The following ANAPC2 variants were observed in gnomAD, a reference collection of about 807,000 sequenced individuals.
The protein encoded by ANAPC2 is anaphase promoting complex subunit 2.
A neutral mutation model predicts 84.3 loss-of-function variants in ANAPC2; 29 were observed. The observed-to-expected ratio is 0.34, with a 90% CI of 0.26 to 0.47. ANAPC2 has a LOEUF of 0.47. Ranked by LOEUF, ANAPC2 falls within the 20% of genes least tolerant of loss-of-function variation. ANAPC2 has a pLI of 1.00. For synonymous variants in ANAPC2, 571 were observed against 479.4 expected, an observed-to-expected ratio of 1.19 and a Z score of -2.50; for missense variants, 857 against 1,131.7, an observed-to-expected ratio of 0.76 and a Z score of 3.48.
At chr9:137,175,903 A>G in intron 10 of ANAPC2, 66 bp from the exon 11 acceptor site, 15 of 1,508,464 alleles carry the variant, frequency 9.9e-6, no homozygotes, top group Non-Finnish European at 1.3e-5. Context: ...GGGCTCTGCC[A>G]CCTGGTACCA....
At chr9:137,175,993 G>T in intron 10 of ANAPC2, 156 bp from the exon 11 acceptor site, 1 of 948,208 alleles carries the variant, frequency 1.1e-6, no homozygotes, top group South Asian at 1.7e-5. Context: ...GGACTGGGTG[G>T]GGTCCCCACC....
intron 4 of ANAPC2, 144 bp downstream of exon 4, chr9:137,184,769 G>T (rs1291204205): frequency 1.0e-5 from 11 of 1,082,124 alleles, no homozygotes; most frequent in Non-Finnish European, 1.4e-5. Flanking sequence ...ACACGGCAAA[G>T]GCCCTGGGAG....
intron 7 of ANAPC2, 50 bp from the exon 8 acceptor site, chr9:137,180,979 C>G: frequency 6.3e-7 from 1 of 1,595,866 alleles, no homozygotes; most frequent in Admixed American, 1.7e-5. Context: ...TGGGCAAGGA[C>G]AGGGCCGCCC....
intron 2 of ANAPC2, 200 bp from the exon 3 acceptor site, chr9:137,186,556 A>G (rs925332330): frequency 4.2e-6 from 3 of 716,498 alleles, no homozygotes; most frequent in Non-Finnish European, 6.7e-6. Flanking sequence ...GGGAGCACAG[A>G]GCACTCCCAG....
At chr9:137,187,183 C>A in intron 2 of ANAPC2, 2 of 405,190 alleles carry the variant, frequency 4.9e-6, no homozygotes, top group African/African-American at 2.0e-5. Flanking sequence ...ACAAAAGGCA[C>A]AGTGGAATTC....
At chr9:137,187,184 A>G (rs1834491476) in intron 2 of ANAPC2, 2 of 407,764 alleles carry the variant, frequency 4.9e-6, no homozygotes, top group South Asian at 4.5e-5. Context: ...CAAAAGGCAC[A>G]GTGGAATTCT....
At position 137,175,351 on chromosome 9, in the gene ANAPC2, A is replaced by G; in HGVS notation, c.2142T>C (p.Ser714=). 1 of 1,612,404 alleles carries G rather than the reference A, an allele frequency of 6.2e-7. No individual in the cohort carries two copies. Among genetic ancestry groups the G allele is most frequent in the Non-Finnish European group, 8.5e-7 (1 of 1,179,794 alleles). The stretch of plus-strand genomic sequence containing the variant: ...CCTGAGGCCGCTCCTCCTCAATGAC[A>G]GAGAAGGTGCCGGGGGGCTCCTCAC... ...VLREEPPGTF[S]VIEEERPQDR... The change falls in exon 12 of 13, where the codon TCT becomes TCC. Residue 714 remains serine, a synonymous_variant. Transcript: ENST00000323927.
Position 137,183,703 on chromosome 9 carries a change from C to G in ANAPC2, c.1137G>C (p.Lys379Asn). The G allele has an allele frequency of 6.2e-7, 1 of 1,612,734 alleles. No homozygotes were observed. The highest frequency in any genetic ancestry group is 8.5e-7 in the Non-Finnish European group (1 of 1,179,830). Reference protein sequence around the residue: ...DQRQQLLVSLKAALETRLLHP... With the variant: ...DQRQQLLVSLNAALETRLLHP... ...GCAGGAGCCGAGTCTCCAGGGCAGC[C>G]TTGAGGGACACGAGCAGCTGCTGCC... Residue 379 changes from lysine to asparagine, a missense_variant, in exon 5 of 13, where the codon AAG becomes AAC. Around this residue, in one of 3 missense-constraint regions of ANAPC2, gnomAD observed 428 missense variants for 513.8 expected, o/e 0.83. Transcript: ENST00000323927.
rs78980797 is a variant in ANAPC2 at position 137,175,754 on chromosome 9, C to T, written c.1974G>A (p.Ala658=). ...VELADRTLSV[A]VTPVQAVILL... is the part of the protein sequence containing the mutation. Reference sequence around the variant, plus strand: ...AGATCACCGCCTGTACTGGGGTGACCGCCACAGACAGCGTGCGGTCGGCCA... The same window carrying T: ...AGATCACCGCCTGTACTGGGGTGACTGCCACAGACAGCGTGCGGTCGGCCA... Residue 658 remains alanine (A), a synonymous_variant, in exon 11 of 13, where the codon GCG becomes GCA. Coordinates refer to ENST00000323927, the MANE Select transcript of ANAPC2 (RefSeq NM_013366.4). 2,497 of 1,612,092 alleles carry T rather than the reference C, an allele frequency of 1.5e-3. 62 individuals are homozygous for T. The East Asian group carries it at 0.048, about 31-fold the overall frequency.
Position 137,181,563 on chromosome 9 carries a change from T to C in ANAPC2, c.1468+118A>G, listed in dbSNP as rs537167609. ...CTGACCTTTGACACCCTCAAGCCTCTGAGACACTAGCGACACCTGACACAG... is the reference window on the plus strand; with the variant it reads ...CTGACCTTTGACACCCTCAAGCCTCCGAGACACTAGCGACACCTGACACAG... On this transcript the variant is annotated intron_variant, in intron 7 of 12. Transcript: ENST00000323927. 1.9e-5 allele frequency: 22 copies of C among 1,179,958 alleles called. No individual in the cohort carries two copies. In the East Asian group the frequency reaches 6.3e-4, roughly 34 times the overall value. The allele number at this position is 1,179,958 out of a possible 1,614,324, so 73.1% of individuals were successfully genotyped here.
rs767678055 is a variant in ANAPC2, at chr9:137,180,266, G to A, written c.1805C>T (p.Pro602Leu). 3.1e-6 allele frequency: 5 copies of A among 1,613,624 alleles called. No individual in the cohort carries two copies. The highest frequency in any genetic ancestry group is 1.3e-5 in the African/African-American group (1 of 74,952). The change falls in exon 10 of 13, where the codon CCG becomes CTG. Residue 602 changes from proline to leucine, a missense_variant. Pro to Leu is a moderately conservative substitution (Grantham distance 98). Transcript: ENST00000323927. Reference sequence around the variant, plus strand: ...CTCCAGCTTCTCGTCCTTGAAGGGCGGCCAGAACTCACTGGACAGGATGAC... The same window carrying A: ...CTCCAGCTTCTCGTCCTTGAAGGGCAGCCAGAACTCACTGGACAGGATGAC... ...YAVILSSEFW[P>L]PFKDEKLEVP...
In ANAPC2 at chr9:137,183,807, C is replaced by T. The variant is rs756283634; in HGVS notation, c.1049-16G>A. ...TCTGGGAAGTCTACAAGAAGAAGAA[C>T]ATCCCTCAGGGACAGACATGGATGC... On this transcript the variant is annotated splice_polypyrimidine_tract_variant and intron_variant, in intron 4 of 12. Transcript: ENST00000323927. 2.5e-6 allele frequency: 4 copies of T among 1,612,430 alleles called. No homozygotes were observed. The African/African-American group carries it at 5.3e-5, about 22-fold the overall frequency.
chr9:137,180,585 C>T (rs1380775379), intron 8 of ANAPC2, 58 bp from the exon 9 acceptor site: 2 of 1,607,750 alleles, frequency 1.2e-6, no homozygotes. Context: ...CAAGGAGCAC[C>T]TGTGGCAGGG....
intron 10 of ANAPC2, among the ~76,000 whole-genome samples, chr9:137,178,494 T>C (rs995332948): frequency 4.0e-5 from 6 of 150,624 alleles, no homozygotes; most frequent in South Asian, 4.2e-4. Context: ...AGGGAGGCCA[T>C]TGGGGCCTTG....
At chr9:137,185,523 C>A (rs76044090) in intron 3 of ANAPC2, among the ~76,000 whole-genome samples, 25,919 of 152,228 alleles carry the variant, frequency 0.17, 2,901 homozygotes, top group Non-Finnish European at 0.23. Context: ...CACAGACCTG[C>A]TACCCAGTGG....
chr9:137,180,678 G>A, intron 8 of ANAPC2, 110 bp downstream of exon 8: 4 of 1,565,250 alleles, frequency 2.6e-6, no homozygotes, highest in South Asian at 1.2e-5. Flanking sequence ...AGTGGGGGCG[G>A]AAGCACAGCT....
At chr9:137,181,958 A>C (rs1588761273) in intron 6 of ANAPC2, 96 bp from the exon 7 acceptor site, 3 of 1,350,666 alleles carry the variant, frequency 2.2e-6, no homozygotes, top group Non-Finnish European at 2.0e-6. Flanking sequence ...GGCCAGCACC[A>C]CCGACCCTGC....
At chr9:137,183,454 C>G in intron 5 of ANAPC2, 1 of 784,778 alleles carries the variant, frequency 1.3e-6, no homozygotes, top group South Asian at 1.8e-5. Flanking sequence ...CTCATCACCT[C>G]AGACCTACCG....
intron 8 of ANAPC2, 39 bp from the exon 9 acceptor site, chr9:137,180,566 C>A (rs776876751): frequency 3.1e-6 from 5 of 1,611,172 alleles, no homozygotes; most frequent in Non-Finnish European, 4.2e-6. Flanking sequence ...TCGTGATGAG[C>A]CCCAGCCCCA....
Sources: allele counts gnomAD v4.1 joint callset (sites outside exome capture counted in the v4.1 genomes callset), GRCh38; gene constraint gnomAD v4.1.1; regional missense constraint gnomAD v4.1.1; transcripts MANE v1.5; gene names NCBI Gene and HGNC (gene_info 2026-07-23, HGNC 2026-07-21).